Variants in PTK2 observed in about 807,000 individuals in gnomAD.
PTK2 encodes the protein focal adhesion kinase 1.
Under a neutral mutation model 150.1 loss-of-function variants are expected in PTK2, and 45 were observed. The observed-to-expected ratio is 0.30, with a 90% confidence interval of 0.24 to 0.38. PTK2 has a LOEUF of 0.38. Among genes scored for constraint, PTK2 ranks in the 10% least tolerant of loss-of-function variants. PTK2 has a pLI of 1.00. For missense variants in PTK2, 919 were observed against 1,307.3 expected (o/e 0.70, Z 4.58); for synonymous variants, 432 against 449.2 (o/e 0.96, Z 0.48).
At chr8:140,764,339 CCTG>C in intron 14 of PTK2, 49 bp from the exon 17 acceptor site, 1 of 1,356,372 alleles carries the variant, frequency 7.4e-7, no homozygotes, top group Non-Finnish European at 1.1e-6. Context: ...CATCTGACCT[CCTG>C]GTATTTCATA....
chr8:140,663,587 T>C (rs1440782268), intron 31 of PTK2, among the ~76,000 whole-genome samples: 1 of 152,232 alleles, frequency 6.6e-6, no homozygotes, highest in Admixed American at 6.5e-5. Flanking sequence ...CTTTCATTTG[T>C]TAGTCATATA....
At chr8:140,678,970 C>T (rs1171076543) in intron 27 of PTK2, among the ~76,000 whole-genome samples, 1 of 140,896 alleles carries the variant, frequency 7.1e-6, no homozygotes, top group Admixed American at 7.3e-5. Context: ...TGTTTCCAGT[C>T]AGCCAGCTCA....
intron 1 of PTK2, among the ~76,000 whole-genome samples, chr8:140,967,911 T>C (rs1184083875): frequency 6.6e-6 from 1 of 152,202 alleles, no homozygotes; most frequent in East Asian, 1.9e-4. Flanking sequence ...GCAACCTATA[T>C]TCTGAAAGAA....
intron 2 of PTK2, among the ~76,000 whole-genome samples, chr8:140,922,061 TTTTAC>T (rs2100167669): frequency 1.3e-5 from 2 of 152,200 alleles, no homozygotes; most frequent in Non-Finnish European, 2.9e-5. Context: ...AAATCAAGTA[TTTTAC>T]TTAACAGTGA....
chr8:140,749,651 A>G (rs1166067363), intron 17 of PTK2, among the ~76,000 whole-genome samples: 1 of 152,260 alleles, frequency 6.6e-6, no homozygotes, highest in Non-Finnish European at 1.5e-5. Context: ...TACTTGGGAC[A>G]GGGGCTGCAT....
intron 1 of PTK2, among the ~76,000 whole-genome samples, chr8:140,992,636 T>C (rs1333782934): frequency 2.0e-5 from 3 of 152,214 alleles, no homozygotes; most frequent in South Asian, 4.1e-4. Flanking sequence ...TGGAGCTTAC[T>C]GGAACGTGTG....
Position 140,819,155 on chromosome 8 carries a change from T to A in PTK2, c.649-135A>T, listed in dbSNP as rs998448265. 1.7e-5 allele frequency: 14 copies of A among 848,312 alleles called. No individual in the cohort carries two copies. In the African/African-American group the frequency reaches 2.3e-4, roughly 14 times the overall value. The allele number at this position is 848,312 out of a possible 1,614,324, so 52.5% of individuals were successfully genotyped here. Reference sequence around the variant, plus strand: ...AAATTACTGCCAAAAAGTATACTTGTCAAATAACTATAAATGTATTTATCA... The same window carrying A: ...AAATTACTGCCAAAAAGTATACTTGACAAATAACTATAAATGTATTTATCA... On this transcript the variant is annotated intron_variant, in intron 8 of 31. Coordinates refer to ENST00000522684, the Ensembl canonical transcript of PTK2.
chr8:140,822,920 TAGTA>T (rs1265216204), intron 8 of PTK2, among the ~76,000 whole-genome samples: 5 of 152,214 alleles, frequency 3.3e-5, no homozygotes, highest in Non-Finnish European at 5.9e-5. Flanking sequence ...TTTCACTTTC[TAGTA>T]AGTAAGTGGG....
intron 2 of PTK2, among the ~76,000 whole-genome samples, chr8:140,915,876 T>C (rs985330800): frequency 2.0e-5 from 3 of 151,610 alleles, no homozygotes; most frequent in East Asian, 1.9e-4. Flanking sequence ...CACTCCAGTC[T>C]GGTGACAAGA....
At chr8:140,987,659 T>C (rs571547294) in intron 1 of PTK2, among the ~76,000 whole-genome samples, 1 of 152,338 alleles carries the variant, frequency 6.6e-6, no homozygotes, top group African/African-American at 2.4e-5. Flanking sequence ...TAACGAGTGT[T>C]GCCCTAATGA....
intron 26 of PTK2, among the ~76,000 whole-genome samples, chr8:140,691,374 T>C (rs942146604): frequency 6.6e-6 from 1 of 152,196 alleles, no homozygotes; most frequent in African/African-American, 2.4e-5. Context: ...TTCATCTATG[T>C]AGCAATATGT....
At chr8:140,985,104 A>T (rs2100192819) in intron 1 of PTK2, among the ~76,000 whole-genome samples, 1 of 152,050 alleles carries the variant, frequency 6.6e-6, no homozygotes, top group Admixed American at 6.6e-5. Flanking sequence ...ATCCTGACAT[A>T]GCTTTTCATC....
At chr8:140,862,817 C>T (rs1224804058) in intron 5 of PTK2, among the ~76,000 whole-genome samples, 1 of 152,106 alleles carries the variant, frequency 6.6e-6, no homozygotes, top group East Asian at 1.9e-4. Flanking sequence ...AGTTTCATCC[C>T]GAAATCATTC....
intron 1 of PTK2, among the ~76,000 whole-genome samples, chr8:140,947,821 A>G (rs2100178203): frequency 6.6e-6 from 1 of 152,082 alleles, no homozygotes; most frequent in Non-Finnish European, 1.5e-5. Context: ...CAGGGGTGAA[A>G]ACAGGGTTTA....
At chr8:140,692,955 T>C (rs2100024087) in intron 26 of PTK2, among the ~76,000 whole-genome samples, 1 of 152,216 alleles carries the variant, frequency 6.6e-6, no homozygotes. Context: ...CACATATTTC[T>C]TTCTCAAAAC....
intron 17 of PTK2, among the ~76,000 whole-genome samples, chr8:140,749,604 T>G (rs189172981): frequency 5.3e-5 from 8 of 152,374 alleles, no homozygotes; most frequent in Non-Finnish European, 7.4e-5. Context: ...CTCATTCTTT[T>G]CTGTCCTGTC....
intron 3 of PTK2, among the ~76,000 whole-genome samples, chr8:140,881,045 GA>G (rs1178349069): frequency 3.3e-5 from 5 of 152,160 alleles, no homozygotes; most frequent in Non-Finnish European, 7.4e-5. Flanking sequence ...GACCAGGCTG[GA>G]AGAGTCAAAG....
intron 23 of PTK2, among the ~76,000 whole-genome samples, chr8:140,711,110 A>G (rs963557426): frequency 1.4e-5 from 2 of 146,330 alleles, no homozygotes; most frequent in Admixed American, 1.4e-4. Context: ...GCTAATTTTT[A>G]TATTTTTATT....
At chr8:140,754,960 G>A (rs1250265663) in intron 16 of PTK2, among the ~76,000 whole-genome samples, 3 of 152,042 alleles carry the variant, frequency 2.0e-5, no homozygotes, top group East Asian at 1.9e-4. Flanking sequence ...TAAAATCTTC[G>A]TAAAATACAG....
Sources: allele counts gnomAD v4.1 joint callset (sites outside exome capture counted in the v4.1 genomes callset), GRCh38; gene constraint gnomAD v4.1.1; transcripts MANE v1.5; gene names NCBI Gene and HGNC (gene_info 2026-07-23, HGNC 2026-07-21).